The following GULP1 variants were observed in gnomAD, a reference collection of about 807,000 sequenced individuals.
GULP1 encodes the protein GULP PTB domain containing engulfment adaptor 1.
In GULP1, 19 loss-of-function variants were observed where a neutral mutation model predicts 40.9. The observed-to-expected ratio is 0.46, with a 90% CI of 0.32 to 0.68. The LOEUF (loss-of-function observed/expected upper bound fraction) is 0.68, where lower values mean the gene tolerates loss of function less well. GULP1 is among the 30% of genes least tolerant of loss of function. GULP1 has a pLI of 0.03. For synonymous variants in GULP1, 119 were observed against 117.6 expected (o/e 1.01, Z -0.08); for missense variants, 312 against 362.2 (o/e 0.86, Z 1.12).
chr2:188,575,931 A>G (rs995558464), intron 9 of GULP1, among the ~76,000 whole-genome samples: 2 of 152,142 alleles, frequency 1.3e-5, no homozygotes, highest in Non-Finnish European at 2.9e-5. Context: ...GGAGGTTATG[A>G]GCAGAGCTTG....
intron 1 of GULP1, among the ~76,000 whole-genome samples, chr2:188,328,067 A>T (rs548203251): frequency 6.6e-6 from 1 of 152,214 alleles, no homozygotes; most frequent in Non-Finnish European, 1.5e-5. Context: ...AAGCATTTGG[A>T]GAGAGAGGAA....
intron 4 of GULP1, among the ~76,000 whole-genome samples, chr2:188,492,023 A>G (rs2062440413): frequency 1.3e-5 from 2 of 152,014 alleles, no homozygotes; most frequent in Admixed American, 6.6e-5. Flanking sequence ...ATTTTCATAA[A>G]CGTAAACATA....
At position 188,316,150 on chromosome 2, in the gene GULP1, A is replaced by G. The variant is rs149875332; in HGVS notation, c.-172+23984A>G. Among the ~76,000 whole-genome samples, 509 of 152,244 alleles carry G rather than the reference A, an allele frequency of 3.3e-3. 2 individuals are homozygous for G. Among genetic ancestry groups the G allele is most frequent in the African/African-American group, 0.012 (485 of 41,554 alleles). ...AATGTATAGCTCTCTTTTTGCTTGTATGCCTGATACAACAGAGAAAGGTAG... is the reference window on the plus strand; with the variant it reads ...AATGTATAGCTCTCTTTTTGCTTGTGTGCCTGATACAACAGAGAAAGGTAG... On this transcript the variant is annotated intron_variant, in intron 1 of 11. Coordinates refer to ENST00000409830, the MANE Select transcript of GULP1 (RefSeq NM_016315.4).
At chr2:188,338,773 T>C (rs1180756069) in intron 1 of GULP1, among the ~76,000 whole-genome samples, 1 of 152,176 alleles carries the variant, frequency 6.6e-6, no homozygotes, top group African/African-American at 2.4e-5. Flanking sequence ...TTTTCACCAC[T>C]CCCATCTGTC....
At chr2:188,496,643 T>G (rs749860154) in intron 4 of GULP1, among the ~76,000 whole-genome samples, 9 of 151,950 alleles carry the variant, frequency 5.9e-5, no homozygotes, top group Non-Finnish European at 1.2e-4. Flanking sequence ...TTTATATGCT[T>G]GTGTGTGAGT....
At position 188,403,578 on chromosome 2, in the gene GULP1, A is replaced by G. The variant is rs574408948; in HGVS notation, c.-45+19689A>G. On this transcript the variant is annotated intron_variant, in intron 2 of 11. Transcript: ENST00000409830. Reference sequence around the variant, plus strand: ...GGTATATATAACTCACTTCAGAACTATGCAGGAAAATAAATCAGAGAACTC... The same window carrying G: ...GGTATATATAACTCACTTCAGAACTGTGCAGGAAAATAAATCAGAGAACTC... 3.3e-5 allele frequency among the ~76,000 whole-genome samples: 5 copies of G among 152,350 alleles called. No individual in the cohort carries two copies. In the South Asian group the frequency reaches 1.0e-3, roughly 32 times the overall value.
intron 1 of GULP1, among the ~76,000 whole-genome samples, chr2:188,330,998 A>G (rs1374572549): frequency 6.6e-6 from 1 of 152,214 alleles, no homozygotes; most frequent in Non-Finnish European, 1.5e-5. Flanking sequence ...TGTGTAGGAA[A>G]AAAAAGTTTC....
intron 2 of GULP1, among the ~76,000 whole-genome samples, chr2:188,432,846 C>T (rs576239674): frequency 1.3e-5 from 2 of 152,122 alleles, no homozygotes; most frequent in South Asian, 4.1e-4. Flanking sequence ...GGCCAAAACA[C>T]GTTACAAAAT....
chr2:188,565,031 C>T (rs919020573), intron 7 of GULP1, among the ~76,000 whole-genome samples: 9 of 151,716 alleles, frequency 5.9e-5, no homozygotes, highest in Admixed American at 3.3e-4. Context: ...CCTACTTACG[C>T]TACATAAAAC....
chr2:188,457,651 T>G (rs2059376365), intron 2 of GULP1, among the ~76,000 whole-genome samples: 1 of 152,214 alleles, frequency 6.6e-6, no homozygotes, highest in Non-Finnish European at 1.5e-5. Context: ...ATAACTGATG[T>G]AGTTTTTAAG....
At chr2:188,550,379 T>C (rs1188249658) in intron 7 of GULP1, among the ~76,000 whole-genome samples, 1 of 151,656 alleles carries the variant, frequency 6.6e-6, no homozygotes, top group African/African-American at 2.4e-5. Flanking sequence ...TTATTATAAA[T>C]TAAATATAAT....
rs150091922 is a variant in GULP1, at chr2:188,354,475, A to T, written c.-171-29288A>T. Among the ~76,000 whole-genome samples, 491 of 152,268 alleles carry T rather than the reference A, an allele frequency of 3.2e-3. 25 individuals carry two copies. In the South Asian group the frequency reaches 0.089, roughly 28 times the overall value. On this transcript the variant is annotated intron_variant, in intron 1 of 11. Transcript: ENST00000409830. ...TGGGTGCTGCTTCTGTGGGCAATCTATATCCAACACTGTCACAGAGAGTGG... is the reference window on the plus strand; with the variant it reads ...TGGGTGCTGCTTCTGTGGGCAATCTTTATCCAACACTGTCACAGAGAGTGG...
intron 1 of GULP1, among the ~76,000 whole-genome samples, chr2:188,345,634 T>C (rs908259536): frequency 6.6e-6 from 1 of 152,116 alleles, no homozygotes; most frequent in African/African-American, 2.4e-5. Context: ...CCAGTATGTA[T>C]GAAATGAGGA....
chr2:188,494,026 A>G (rs1559306007), intron 4 of GULP1, among the ~76,000 whole-genome samples: 1 of 152,012 alleles, frequency 6.6e-6, no homozygotes, highest in Non-Finnish European at 1.5e-5. Context: ...TCTCTGGATA[A>G]TGTGTTCATG....
chr2:188,350,688 A>C (rs912066844), intron 1 of GULP1, among the ~76,000 whole-genome samples: 1 of 152,026 alleles, frequency 6.6e-6, no homozygotes, highest in Non-Finnish European at 1.5e-5. Context: ...TTGTAGGTTC[A>C]AATTTTACAA....
intron 1 of GULP1, among the ~76,000 whole-genome samples, chr2:188,335,933 A>G (rs2152096994): frequency 6.6e-6 from 1 of 152,294 alleles, no homozygotes; most frequent in South Asian, 2.1e-4. Flanking sequence ...TGTTACAGAT[A>G]TGTCTCCCTT....
At chr2:188,322,646 A>C (rs2040159159) in intron 1 of GULP1, among the ~76,000 whole-genome samples, 1 of 152,074 alleles carries the variant, frequency 6.6e-6, no homozygotes, top group Admixed American at 6.6e-5. Flanking sequence ...ATAAAGGTTT[A>C]TTTTGGAAAT....
chr2:188,516,735 A>T (rs970505228), intron 4 of GULP1, among the ~76,000 whole-genome samples: 1 of 152,142 alleles, frequency 6.6e-6, no homozygotes, highest in African/African-American at 2.4e-5. Context: ...ACAATTTCCT[A>T]GTTATGGTAG....
intron 2 of GULP1, among the ~76,000 whole-genome samples, chr2:188,440,306 A>G (rs1409647672): frequency 6.6e-6 from 1 of 152,234 alleles, no homozygotes; most frequent in Non-Finnish European, 1.5e-5. Flanking sequence ...TTAACTGTAG[A>G]AAGGTCCCAA....
Sources: allele counts gnomAD v4.1 joint callset (sites outside exome capture counted in the v4.1 genomes callset), GRCh38; gene constraint gnomAD v4.1.1; transcripts MANE v1.5; gene names NCBI Gene and HGNC (gene_info 2026-07-23, HGNC 2026-07-21).